The following DENND6A variants were observed in gnomAD, a reference collection of about 807,000 sequenced individuals.
The protein encoded by DENND6A is DENN domain containing 6A.
DENND6A carries 43 observed loss-of-function variants against 95.5 expected under a neutral mutation model. The observed-to-expected ratio is 0.45, with a 90% CI of 0.35 to 0.58. DENND6A has a LOEUF of 0.58. Ranked by LOEUF, DENND6A falls within the 20% of genes least tolerant of loss-of-function variation. The pLI, the probability that DENND6A is intolerant of heterozygous loss-of-function variation, is 0.00. For missense variants in DENND6A, 574 were observed against 736.0 expected, an observed-to-expected ratio of 0.78 and a Z score of 2.55; for synonymous variants, 257 against 260.4, an observed-to-expected ratio of 0.99 and a Z score of 0.13.
chr3:57,672,465 A>C, intron 1 of DENND6A, 27 bp from the exon 2 acceptor site: 2 of 1,601,694 alleles, frequency 1.2e-6, no homozygotes, highest in South Asian at 2.2e-5. Flanking sequence ...AAATTTTGTT[A>C]AACATATTAT....
chr3:57,663,562 T>G, intron 5 of DENND6A, 74 bp downstream of exon 5: 1 of 1,098,100 alleles, frequency 9.1e-7, no homozygotes, highest in Non-Finnish European at 1.3e-6. Flanking sequence ...TTAAAGACTC[T>G]TAAATCTAAC....
rs193004817 is a variant in DENND6A at position 57,625,558 on chromosome 3, T to C, written c.*2656A>G. ...ATAGAAGGCACTAGGCATTACATAATACCCTTAAAGCAGTGATTCCTCCTG... is the reference window on the plus strand; with the variant it reads ...ATAGAAGGCACTAGGCATTACATAACACCCTTAAAGCAGTGATTCCTCCTG... On this transcript the variant is annotated 3_prime_UTR_variant, in exon 20 of 20. Transcript: ENST00000311128. The C allele has an allele frequency of 6.6e-6, 1 of 152,660 alleles. No homozygotes were observed. The highest frequency in any genetic ancestry group is 2.4e-5 in the African/African-American group (1 of 41,542). 9.5% of individuals were successfully genotyped at this position (152,660 alleles called of 1,614,324 possible).
At chr3:57,640,708 G>C (rs1214243671) in intron 12 of DENND6A, among the ~76,000 whole-genome samples, 1 of 152,118 alleles carries the variant, frequency 6.6e-6, no homozygotes, top group Admixed American at 6.5e-5. Context: ...GGAGAAAATA[G>C]TCAGTAGTCC....
intron 11 of DENND6A, among the ~76,000 whole-genome samples, chr3:57,645,166 A>T (rs974004928): frequency 3.9e-5 from 6 of 152,172 alleles, no homozygotes; most frequent in African/African-American, 1.4e-4. Context: ...TTCCATTAAT[A>T]AATAAAATCA....
At chr3:57,653,867 C>G (rs1199590423) in intron 9 of DENND6A, among the ~76,000 whole-genome samples, 2 of 147,648 alleles carry the variant, frequency 1.4e-5, no homozygotes, top group Non-Finnish European at 3.0e-5. Flanking sequence ...TATTCCCATT[C>G]TGGCGTATCA....
rs569367429 is a variant in DENND6A, at chr3:57,631,290, G to A, written c.1354-312C>T. On this transcript the variant is annotated intron_variant, in intron 15 of 19. Coordinates refer to ENST00000311128, the MANE Select transcript of DENND6A (RefSeq NM_152678.3). ...CGGCTCACTACAACCTCTGCCCCCC[G>A]GGTTCAAGCGATTCTCCCGCCTCAG... 44 of 213,326 alleles carry A rather than the reference G, an allele frequency of 2.1e-4. No individual in the cohort carries two copies. In the East Asian group the frequency reaches 4.7e-3, roughly 23 times the overall value. The allele number at this position is 213,326 out of a possible 1,614,324, so 13.2% of individuals were successfully genotyped here. A position where few individuals can be genotyped will look rare whatever the true frequency, so the allele number is the denominator to read the frequency against.
chr3:57,652,770 A>G (rs2071236965), intron 9 of DENND6A, among the ~76,000 whole-genome samples: 1 of 152,214 alleles, frequency 6.6e-6, no homozygotes, highest in African/African-American at 2.4e-5. Context: ...CAGAGCCTCA[A>G]TCTAATCAGG....
chr3:57,632,353 G>C (rs1387124484), intron 15 of DENND6A, among the ~76,000 whole-genome samples: 1 of 151,306 alleles, frequency 6.6e-6, no homozygotes, highest in African/African-American at 2.4e-5. Context: ...AGAGAGTCTT[G>C]CTGTTGCCCA....
At chr3:57,689,036 C>T (rs991873729) in intron 1 of DENND6A, among the ~76,000 whole-genome samples, 4 of 151,896 alleles carry the variant, frequency 2.6e-5, no homozygotes, top group African/African-American at 7.3e-5. Flanking sequence ...CTTACTGCAA[C>T]CTCCACCTCC....
Position 57,628,216 on chromosome 3 carries a change from A to C in DENND6A, c.1825T>G (p.Ter609GlyextTer38), listed in dbSNP as rs1336134950. 17 of 1,611,096 alleles carry C rather than the reference A, an allele frequency of 1.1e-5. No homozygotes were observed. The highest frequency in any genetic ancestry group is 1.3e-5 in the Non-Finnish European group (15 of 1,178,970). The change falls in exon 20 of 20, where the codon TGA (stop) becomes GGA (glycine). Residue 609 changes from the stop codon to glycine, a stop_lost. Transcript: ENST00000311128. ...QGILLKTGMT[*>G] Reference sequence around the variant, plus strand: ...TGGCTGGAAAATCTTGGCAAATATCATGTCATGCCCGTTTTGAGCAGTATG... The same window carrying C: ...TGGCTGGAAAATCTTGGCAAATATCCTGTCATGCCCGTTTTGAGCAGTATG...
intron 16 of DENND6A, 39 bp from the exon 17 acceptor site, chr3:57,630,863 G>A: frequency 1.2e-6 from 2 of 1,610,102 alleles, no homozygotes; most frequent in Non-Finnish European, 1.7e-6. Flanking sequence ...AATTAGGAGT[G>A]GATATGTTCA....
intron 3 of DENND6A, among the ~76,000 whole-genome samples, chr3:57,669,567 T>G (rs1157848734): frequency 6.7e-6 from 1 of 149,330 alleles, no homozygotes; most frequent in Non-Finnish European, 1.5e-5. Flanking sequence ...TGCAAAAAAT[T>G]AGCCAGGCGT....
chr3:57,645,033 G>T (rs2071048633), intron 11 of DENND6A, among the ~76,000 whole-genome samples: 1 of 151,908 alleles, frequency 6.6e-6, no homozygotes, highest in African/African-American at 2.4e-5. Flanking sequence ...AAGAAGGTGA[G>T]CGATAGAGCA....
chr3:57,689,144 G>A (rs1342388214), intron 1 of DENND6A, among the ~76,000 whole-genome samples: 2 of 151,774 alleles, frequency 1.3e-5, no homozygotes, highest in Admixed American at 6.6e-5. Flanking sequence ...TAGTAGAGAC[G>A]GGGTTTCACC....
chr3:57,671,955 A>T (rs1232624265), intron 3 of DENND6A, among the ~76,000 whole-genome samples: 4 of 152,172 alleles, frequency 2.6e-5, no homozygotes, highest in African/African-American at 9.7e-5. Flanking sequence ...ATACTATATA[A>T]ACTATTTAAT....
At chr3:57,672,707 C>T (rs974117884) in intron 1 of DENND6A, among the ~76,000 whole-genome samples, 3 of 151,916 alleles carry the variant, frequency 2.0e-5, no homozygotes, top group Non-Finnish European at 2.9e-5. Flanking sequence ...CACTTGAACC[C>T]GGGAGACAGA....
intron 12 of DENND6A, among the ~76,000 whole-genome samples, chr3:57,641,121 C>CTA (rs1333612423): frequency 1.4e-5 from 2 of 146,154 alleles, no homozygotes; most frequent in African/African-American, 2.5e-5. Flanking sequence ...TATTGGGCTT[C>CTA]TATATATATA....
chr3:57,628,389 C>A, intron 19 of DENND6A, 44 bp from the exon 20 acceptor site: 1 of 1,601,230 alleles, frequency 6.2e-7, no homozygotes, highest in Non-Finnish European at 8.5e-7. Context: ...TCCTCAGAAT[C>A]TGTATTAATA....
chr3:57,685,361 A>G (rs2077202976), intron 1 of DENND6A, among the ~76,000 whole-genome samples: 1 of 152,214 alleles, frequency 6.6e-6, no homozygotes, highest in South Asian at 2.1e-4. Context: ...ATGAAAAGTA[A>G]CTATATTCAG....
Sources: allele counts gnomAD v4.1 joint callset (sites outside exome capture counted in the v4.1 genomes callset), GRCh38; gene constraint gnomAD v4.1.1; transcripts MANE v1.5; gene names NCBI Gene and HGNC (gene_info 2026-07-23, HGNC 2026-07-21).